Variants in ERICH3 observed in about 807,000 individuals in gnomAD.
ERICH3 encodes glutamate rich 3.
ERICH3 carries 126 observed loss-of-function variants against 131.1 expected under a neutral mutation model. The ratio of observed to expected loss-of-function variants is 0.96; its 90% CI spans 0.83 to 1.11. The LOEUF (loss-of-function observed/expected upper bound fraction) is 1.11, where lower values mean the gene tolerates loss of function less well. Ranked by LOEUF, ERICH3 falls within the 50% of genes most tolerant of loss-of-function variation. The probability of loss-of-function intolerance (pLI) is 0.00; values close to 1 mark genes in which losing one functional copy is unlikely to be tolerated. For synonymous variants in ERICH3, 695 were observed against 644.6 expected, an observed-to-expected ratio of 1.08 and a Z score of -1.18; for missense variants, 2,050 against 1,810.7, an observed-to-expected ratio of 1.13 and a Z score of -2.40.
At chr1:74,575,835 A>G (rs1039973965) in intron 13 of ERICH3, among the ~76,000 whole-genome samples, 17 of 152,244 alleles carry the variant, frequency 1.1e-4, no homozygotes, top group African/African-American at 4.1e-4. Context: ...TATGAACACA[A>G]CACTATAAGG....
At chr1:74,662,469 T>A (rs886526106) in intron 1 of ERICH3, among the ~76,000 whole-genome samples, 1 of 151,936 alleles carries the variant, frequency 6.6e-6, no homozygotes, top group Admixed American at 6.6e-5. Flanking sequence ...GAAAAAAAAA[T>A]GTTCAAACTC....
intron 2 of ERICH3, among the ~76,000 whole-genome samples, chr1:74,647,250 G>T (rs1321904603): frequency 6.6e-6 from 1 of 152,070 alleles, no homozygotes; most frequent in Non-Finnish European, 1.5e-5. Flanking sequence ...AAGGAAGGGG[G>T]CGGGGTACTA....
At chr1:74,652,856 C>T (rs529815018) in intron 1 of ERICH3, among the ~76,000 whole-genome samples, 1 of 152,282 alleles carries the variant, frequency 6.6e-6, no homozygotes, top group Admixed American at 6.5e-5. Context: ...ACAAGACTAT[C>T]TACCCATCCC....
intron 1 of ERICH3, among the ~76,000 whole-genome samples, chr1:74,656,351 A>G (rs1160590017): frequency 6.6e-6 from 1 of 152,104 alleles, no homozygotes; most frequent in Non-Finnish European, 1.5e-5. Context: ...TTGGAATCCC[A>G]ACTGGCCCCA....
intron 11 of ERICH3, 143 bp from the exon 12 acceptor site, chr1:74,590,223 A>C (rs1647526149): frequency 2.6e-6 from 2 of 762,106 alleles, no homozygotes; most frequent in African/African-American, 3.5e-5. Flanking sequence ...CATATAGTCT[A>C]CTCAGTGGTC....
chr1:74,614,609 G>A (rs1354623947), intron 8 of ERICH3, among the ~76,000 whole-genome samples: 1 of 151,146 alleles, frequency 6.6e-6, no homozygotes, highest in Non-Finnish European at 1.5e-5. Flanking sequence ...CCCGGGAGGC[G>A]GAGCTTGCAG....
At chr1:74,654,414 T>A (rs1198316935) in intron 1 of ERICH3, among the ~76,000 whole-genome samples, 4 of 151,998 alleles carry the variant, frequency 2.6e-5, no homozygotes, top group African/African-American at 4.8e-5. Flanking sequence ...TATATCCTAC[T>A]GTTTCTCTTA....
intron 9 of ERICH3, 107 bp from the exon 10 acceptor site, chr1:74,607,009 A>G (rs1336015262): frequency 1.8e-5 from 19 of 1,082,980 alleles, no homozygotes; most frequent in Non-Finnish European, 2.2e-5. Flanking sequence ...AAAAAGACAC[A>G]AAAATGTTTT....
rs767405824 is a variant in ERICH3 at position 74,572,259 on chromosome 1, C to A, written c.3451G>T (p.Glu1151Ter). Residue 1151 changes from glutamate (E) to a stop codon, truncating the protein, a stop_gained, in exon 14 of 15, where the codon GAG (glutamate) becomes TAG (stop). Transcript: ENST00000326665. LOFTEE classifies it high-confidence loss of function. ...PGLLGEDSLK[E>*]TVVPIFEATP... ...GCTTCAAATATGGGAACCACTGTCT[C>A]TTTTAGTGAATCTTCTCCTAGAAGC... is the stretch of plus-strand genomic sequence containing the variant. 6.2e-7 allele frequency: 1 copy of A among 1,614,124 alleles called. No individual in the cohort carries two copies. The highest frequency in any genetic ancestry group is 8.5e-7 in the Non-Finnish European group (1 of 1,180,024).
chr1:74,598,772 G>A (rs1190520833), intron 11 of ERICH3, among the ~76,000 whole-genome samples: 2 of 151,856 alleles, frequency 1.3e-5, no homozygotes, highest in African/African-American at 4.8e-5. Flanking sequence ...GTGAGTGGGT[G>A]TATCACAAAA....
Position 74,573,331 on chromosome 1 carries a change from C to T in ERICH3, c.2379G>A (p.Gly793=), listed in dbSNP as rs1368276747. 5.6e-6 allele frequency: 9 copies of T among 1,608,632 alleles called. No individual in the cohort carries two copies. In the African/African-American group the frequency reaches 8.0e-5, roughly 14 times the overall value. Residue 793 remains glycine, a synonymous_variant, in exon 14 of 15, where the codon GGG becomes GGA. Transcript: ENST00000326665. ...CTGCTTCTCCCCACAGTGCTGCCTC[C>T]CCTTTTCCCTGTACTATGTCAGCAT... The part of the protein sequence containing the change: ...HRDADIVQGK[G]EAALWGEAGA...
At position 74,580,812 on chromosome 1, in the gene ERICH3, TCCTACA is replaced by T. The variant is rs769205332; in HGVS notation, c.2177-3882_2177-3877del. Among the ~76,000 whole-genome samples the T allele has an allele frequency of 9.1e-4, 139 of 152,296 alleles. 1 individual carries two copies. The highest frequency in any genetic ancestry group is 8.3e-4 in the South Asian group (4 of 4,826). ...GATTCAGGGGGTACATATGCAGGTT[TCCTACA>T]TGAGTAAATTACATGTCACTGAGAT... On this transcript the variant is annotated intron_variant, in intron 12 of 14. Coordinates refer to ENST00000326665, the MANE Select transcript of ERICH3 (RefSeq NM_001002912.5).
intron 1 of ERICH3, among the ~76,000 whole-genome samples, chr1:74,657,462 G>T (rs1221235558): frequency 1.3e-5 from 2 of 152,052 alleles, no homozygotes; most frequent in African/African-American, 4.8e-5. Flanking sequence ...TTTATAGGGG[G>T]TGATTAAACT....
intron 12 of ERICH3, among the ~76,000 whole-genome samples, chr1:74,579,119 A>G (rs1647130359): frequency 6.6e-6 from 1 of 152,162 alleles, no homozygotes; most frequent in Non-Finnish European, 1.5e-5. Context: ...TGACAAACAT[A>G]ATACATGAGT....
At chr1:74,645,260 G>A (rs1646471156) in intron 3 of ERICH3, among the ~76,000 whole-genome samples, 1 of 151,828 alleles carries the variant, frequency 6.6e-6, no homozygotes. Flanking sequence ...ACTGGCACAT[G>A]GTAAACCTGC....
At chr1:74,665,223 A>AC (rs1012101102) in intron 1 of ERICH3, among the ~76,000 whole-genome samples, 3 of 151,748 alleles carry the variant, frequency 2.0e-5, no homozygotes, top group Non-Finnish European at 2.9e-5. Flanking sequence ...AAAAAAAAAA[A>AC]CAGCCATCTG....
At chr1:74,636,571 T>C (rs1646391625) in intron 5 of ERICH3, 133 bp from the exon 6 acceptor site, 2 of 873,490 alleles carry the variant, frequency 2.3e-6, no homozygotes, top group Admixed American at 2.4e-5. Flanking sequence ...TTTAATTATG[T>C]CCTTCCATTA....
chr1:74,584,360 A>G (rs1647239880), intron 12 of ERICH3, among the ~76,000 whole-genome samples: 1 of 152,180 alleles, frequency 6.6e-6, no homozygotes, highest in African/African-American at 2.4e-5. Context: ...AACTCAGAAT[A>G]AATTCCTCCC....
chr1:74,669,407 CTT>C (rs1646721223), intron 1 of ERICH3, among the ~76,000 whole-genome samples: 1 of 152,036 alleles, frequency 6.6e-6, no homozygotes. Context: ...CCAAGTGTAT[CTT>C]TTACACAGAA....
Sources: allele counts gnomAD v4.1 joint callset (sites outside exome capture counted in the v4.1 genomes callset), GRCh38; gene constraint gnomAD v4.1.1; transcripts MANE v1.5; gene names NCBI Gene and HGNC (gene_info 2026-07-23, HGNC 2026-07-21).